ZNF407: variants seen among roughly 807,000 people sequenced by gnomAD.
ZNF407 encodes the protein zinc finger protein 407.
A neutral mutation model predicts 131.2 loss-of-function variants in ZNF407; 17 were observed. The ratio of observed to expected loss-of-function variants is 0.13; its 90% CI spans 0.09 to 0.19. The LOEUF is 0.19. Ranked by LOEUF, ZNF407 falls within the 10% of genes least tolerant of loss-of-function variation. ZNF407 has a pLI of 1.00. For missense variants in ZNF407, 2,681 were observed against 2,830.6 expected (o/e 0.95, Z 1.20); for synonymous variants, 1,156 against 1,062.0 (o/e 1.09, Z -1.72).
chr18:74,980,771 T>C (rs933043085), intron 8 of ZNF407, among the ~76,000 whole-genome samples: 1 of 152,084 alleles, frequency 6.6e-6, no homozygotes, highest in Non-Finnish European at 1.5e-5. Context: ...TTTTGAGACA[T>C]TTGCTGAGAA....
At chr18:74,953,721 A>G (rs565543374) in intron 8 of ZNF407, among the ~76,000 whole-genome samples, 2 of 152,336 alleles carry the variant, frequency 1.3e-5, no homozygotes, top group African/African-American at 2.4e-5. Context: ...GATTTGTTTC[A>G]CTTCTCCTGA....
At chr18:74,902,810 C>A (rs1971546612) in intron 7 of ZNF407, among the ~76,000 whole-genome samples, 1 of 152,140 alleles carries the variant, frequency 6.6e-6, no homozygotes, top group Non-Finnish European at 1.5e-5. Context: ...AAAGACTTTT[C>A]AAAGATAAGT....
At chr18:74,859,942 A>G (rs747330451) in intron 4 of ZNF407, among the ~76,000 whole-genome samples, 1 of 152,194 alleles carries the variant, frequency 6.6e-6, no homozygotes, top group Non-Finnish European at 1.5e-5. Context: ...CGAGAAACAA[A>G]TGGTGTCCTC....
Position 75,064,713 on chromosome 18 carries a change from C to T in ZNF407, c.*245C>T, listed in dbSNP as rs1335654504. 18 of 413,668 alleles carry T rather than the reference C, an allele frequency of 4.4e-5. No individual in the cohort carries two copies. In the Admixed American group the frequency reaches 7.0e-4, roughly 16 times the overall value. 25.6% of individuals were successfully genotyped at this position (413,668 alleles called of 1,614,324 possible). A position where few individuals can be genotyped will look rare whatever the true frequency, so the allele number is the denominator to read the frequency against. ...AGGGGAGGGCCGGGCGCAGGCCGCA[C>T]AGGGAGCTCCGGTCCACTGGGGGCC... On this transcript the variant is annotated 3_prime_UTR_variant, in exon 9 of 9. Coordinates refer to ENST00000299687, the MANE Select transcript of ZNF407 (RefSeq NM_017757.3).
At chr18:74,963,168 T>G (rs77903633) in intron 8 of ZNF407, among the ~76,000 whole-genome samples, 1 of 146,776 alleles carries the variant, frequency 6.8e-6, no homozygotes, top group South Asian at 2.1e-4. Flanking sequence ...TTTTTTTTTT[T>G]TGTCCTGAAT....
chr18:74,868,587 T>G lies in ZNF407; in HGVS notation c.4878-8610T>G, dbSNP rs373502260. 2.5e-3 allele frequency among the ~76,000 whole-genome samples: 374 copies of G among 152,340 alleles called. 5 individuals are homozygous for G. Among genetic ancestry groups the G allele is most frequent in the African/African-American group, 7.8e-3 (324 of 41,590 alleles). ...TTGTGCAACTTGATTGCTCGTCCTA[T>G]GTAGCCTGTTCCCCCACAACCCCCG... On this transcript the variant is annotated intron_variant, in intron 4 of 8. Coordinates refer to ENST00000299687, the MANE Select transcript of ZNF407 (RefSeq NM_017757.3).
chr18:74,803,554 C>G (rs77249227), intron 4 of ZNF407, among the ~76,000 whole-genome samples: 1 of 152,030 alleles, frequency 6.6e-6, no homozygotes, highest in African/African-American at 2.4e-5. Context: ...TATTTTCTTC[C>G]TATATTTTAG....
At chr18:74,807,047 G>A (rs577244717) in intron 4 of ZNF407, among the ~76,000 whole-genome samples, 4 of 152,206 alleles carry the variant, frequency 2.6e-5, no homozygotes, top group Non-Finnish European at 4.4e-5. Context: ...GAAAGCAGTA[G>A]ATGCCATGGA....
chr18:74,950,932 G>A (rs1972206599), intron 8 of ZNF407, among the ~76,000 whole-genome samples: 1 of 152,086 alleles, frequency 6.6e-6, no homozygotes, highest in Non-Finnish European at 1.5e-5. Flanking sequence ...CCTTTACTGG[G>A]ACCGAATTGA....
chr18:74,944,343 T>G (rs1972131641), intron 8 of ZNF407, among the ~76,000 whole-genome samples: 1 of 152,216 alleles, frequency 6.6e-6, no homozygotes, highest in Admixed American at 6.5e-5. Flanking sequence ...TGATAAAGTA[T>G]CCATGCACAA....
chr18:74,658,104 CTTTATTTA>C (rs10641679), intron 3 of ZNF407, among the ~76,000 whole-genome samples: 7 of 150,910 alleles, frequency 4.6e-5, no homozygotes, highest in Admixed American at 2.6e-4. Flanking sequence ...CAGCAGTTGT[CTTTATTTA>C]TTTATTTATT....
chr18:74,846,928 A>C (rs1336439586), intron 4 of ZNF407, among the ~76,000 whole-genome samples: 1 of 151,802 alleles, frequency 6.6e-6, no homozygotes, highest in African/African-American at 2.4e-5. Context: ...CAGGAGGCGG[A>C]GGTTGCAGTG....
intron 1 of ZNF407, among the ~76,000 whole-genome samples, chr18:74,623,578 T>A (rs73973924): frequency 0.026 from 3,931 of 152,364 alleles, 150 homozygotes; most frequent in African/African-American, 0.084. Flanking sequence ...GTTTCTCAAA[T>A]TCTTCCCGAA....
rs577363939 is a variant in ZNF407, at chr18:75,008,088, G to A, written c.5429-55062G>A. On this transcript the variant is annotated intron_variant, in intron 8 of 8. Transcript: ENST00000299687. The stretch of plus-strand genomic sequence containing the variant: ...AGATGAGGCTGGACAGTTGAATTGG[G>A]AGTGAATTGGGAAGTTCACTGAATG... Among the ~76,000 whole-genome samples the A allele has an allele frequency of 7.2e-4, 109 of 152,308 alleles. 2 individuals are homozygous for A. The highest frequency in any genetic ancestry group is 2.6e-3 in the African/African-American group (107 of 41,568).
Position 74,934,433 on chromosome 18 carries a change from A to T in ZNF407, c.5428+13741A>T, listed in dbSNP as rs138454074. ...CCTTCCAGATGTTGGCCAGGAATAG[A>T]TTTGAACTTTGCTGTCTTAAATGGA... On this transcript the variant is annotated intron_variant, in intron 8 of 8. Coordinates refer to ENST00000299687, the MANE Select transcript of ZNF407 (RefSeq NM_017757.3). 3.9e-3 allele frequency among the ~76,000 whole-genome samples: 587 copies of T among 152,344 alleles called. 5 individuals are homozygous for T. Among genetic ancestry groups the T allele is most frequent in the African/African-American group, 0.014 (566 of 41,576 alleles).
chr18:74,889,942 A>C lies in ZNF407; in HGVS notation c.5153A>C (p.Glu1718Ala). Residue 1718 changes from glutamate to alanine, a missense_variant, in exon 7 of 9, where the codon GAG becomes GCG. By Grantham distance (107) the Glu-to-Ala change is moderately radical. Transcript: ENST00000299687. Reference protein sequence around the residue: ...HTGEKPFKCDECNFASTTQSH... With the variant: ...HTGEKPFKCDACNFASTTQSH... The stretch of plus-strand genomic sequence containing the variant: ...GGAGAAAAACCTTTCAAGTGCGATG[A>C]GTGTAACTTTGCCTCCACAACTCAG... The C allele has an allele frequency of 6.8e-6, 11 of 1,609,472 alleles. No homozygotes were observed. The highest frequency in any genetic ancestry group is 9.3e-6 in the Non-Finnish European group (11 of 1,177,802).
At chr18:74,921,955 G>A (rs764017596) in intron 8 of ZNF407, among the ~76,000 whole-genome samples, 3 of 152,256 alleles carry the variant, frequency 2.0e-5, no homozygotes, top group Non-Finnish European at 4.4e-5. Flanking sequence ...GTGGATAGAG[G>A]CTCATTACTG....
rs1052691667 is a variant in ZNF407, at chr18:74,620,085, A to T, written c.-53-10882A>T. Among the ~76,000 whole-genome samples the T allele has an allele frequency of 7.5e-3, 1,134 of 151,712 alleles. 19 individuals carry two copies. Among genetic ancestry groups the T allele is most frequent in the African/African-American group, 0.026 (1,082 of 41,430 alleles). On this transcript the variant is annotated intron_variant, in intron 1 of 8. Coordinates refer to ENST00000299687, the MANE Select transcript of ZNF407 (RefSeq NM_017757.3). ...CCAATAAAGCATTGGTTTTAAAAAT[A>T]TTTTTTGAGTGGAGAATATATTACA...
At chr18:74,905,991 T>C (rs542035052) in intron 7 of ZNF407, 3 of 152,796 alleles carry the variant, frequency 2.0e-5, no homozygotes, top group Admixed American at 2.0e-4. Context: ...TATGGTGCCA[T>C]TATTTTTAAA....
Sources: allele counts gnomAD v4.1 joint callset (sites outside exome capture counted in the v4.1 genomes callset), GRCh38; gene constraint gnomAD v4.1.1; transcripts MANE v1.5; gene names NCBI Gene and HGNC (gene_info 2026-07-23, HGNC 2026-07-21).